Variants in ST18 observed in about 807,000 individuals in gnomAD.
The protein encoded by ST18 is suppression of tumorigenicity 18 protein.
ST18 carries 50 observed loss-of-function variants against 110.0 expected under a neutral mutation model. The ratio of observed to expected loss-of-function variants is 0.45; its 90% confidence interval spans 0.36 to 0.58. ST18 has a LOEUF of 0.58. Among genes scored for constraint, ST18 ranks in the 20% least tolerant of loss-of-function variants. The probability of loss-of-function intolerance (pLI) is 0.00; values close to 1 mark genes in which losing one functional copy is unlikely to be tolerated. For missense variants in ST18, 1,306 were observed against 1,280.1 expected (o/e 1.02, Z -0.31); for synonymous variants, 461 against 452.4 (o/e 1.02, Z -0.24).
rs1489320217 is a variant in ST18, at chr8:52,326,947, TG to T, written c.-465+82380del. ...CCAGGCCAACTCCAAGCAGTGTTTCTGGGGAGCCAGAGAGGCAGTGTTCAAG... is the reference window on the plus strand; with the variant it reads ...CCAGGCCAACTCCAAGCAGTGTTTCTGGGAGCCAGAGAGGCAGTGTTCAAG... On this transcript the variant is annotated intron_variant, in intron 2 of 25. Transcript: ENST00000689386. Among the ~76,000 whole-genome samples the T allele has an allele frequency of 3.3e-5, 5 of 152,276 alleles. No homozygotes were observed. In the East Asian group the frequency reaches 9.7e-4, roughly 30 times the overall value.
intron 25 of ST18, among the ~76,000 whole-genome samples, chr8:52,116,012 T>C (rs2042407510): frequency 6.6e-6 from 1 of 152,122 alleles, no homozygotes; most frequent in Non-Finnish European, 1.5e-5. Flanking sequence ...CACATGACAT[T>C]GTGAACCGAG....
intron 2 of ST18, chr8:52,296,502 C>T (rs1011444213): frequency 6.6e-6 from 1 of 152,208 alleles, no homozygotes; most frequent in African/African-American, 2.4e-5. Flanking sequence ...CAGTGAACGT[C>T]GAGCATGCAC....
chr8:52,339,587 G>T (rs139085373), intron 2 of ST18, among the ~76,000 whole-genome samples: 3 of 152,320 alleles, frequency 2.0e-5, no homozygotes, highest in East Asian at 1.9e-4. Flanking sequence ...TTGCCTGATG[G>T]CTTCTGCCCT....
At chr8:52,184,275 T>A (rs1370218060) in intron 8 of ST18, among the ~76,000 whole-genome samples, 1 of 152,226 alleles carries the variant, frequency 6.6e-6, no homozygotes, top group Non-Finnish European at 1.5e-5. Context: ...CCTGCATTTA[T>A]TGTTCTATTC....
At chr8:52,347,562 T>C (rs1818335249) in intron 2 of ST18, among the ~76,000 whole-genome samples, 1 of 152,144 alleles carries the variant, frequency 6.6e-6, no homozygotes, top group Non-Finnish European at 1.5e-5. Context: ...ATAAAGGTGA[T>C]TTTTCCTCAT....
intron 9 of ST18, among the ~76,000 whole-genome samples, chr8:52,179,873 A>G (rs954033915): frequency 2.6e-5 from 4 of 152,190 alleles, no homozygotes; most frequent in Admixed American, 2.6e-4. Context: ...GGCATAGTTC[A>G]ATCGTCTGCT....
rs182747234 is a variant in ST18, at chr8:52,254,941, T to G, written c.-464-24864A>C. Among the ~76,000 whole-genome samples, 406 of 152,200 alleles carry G rather than the reference T, an allele frequency of 2.7e-3. 3 individuals carry two copies. The highest frequency in any genetic ancestry group is 2.3e-3 in the Non-Finnish European group (156 of 68,024). The stretch of plus-strand genomic sequence containing the variant: ...GCTTGCTTCACAGAAGCTCACGAAT[T>G]AGACAGGCACAGATACTGAAAAGAA... On this transcript the variant is annotated intron_variant, in intron 2 of 25. Transcript: ENST00000689386.
chr8:52,231,363 CT>C (rs1182587974), intron 2 of ST18, among the ~76,000 whole-genome samples: 2 of 152,176 alleles, frequency 1.3e-5, no homozygotes, highest in African/African-American at 2.4e-5. Flanking sequence ...TTCCACTTTC[CT>C]AGCTTCCAGA....
chr8:52,235,919 G>T (rs908607300), intron 2 of ST18, among the ~76,000 whole-genome samples: 1 of 152,114 alleles, frequency 6.6e-6, no homozygotes, highest in Non-Finnish European at 1.5e-5. Flanking sequence ...TATTAAAAAT[G>T]TCAAAAGAAA....
At chr8:52,389,926 CCAACAA>C (rs377203606) in intron 2 of ST18, among the ~76,000 whole-genome samples, 44 of 151,946 alleles carry the variant, frequency 2.9e-4, no homozygotes, top group South Asian at 2.1e-4. Context: ...TATATTTACT[CCAACAA>C]CAACAACAAC....
At chr8:52,270,745 T>A (rs1207082468) in intron 2 of ST18, among the ~76,000 whole-genome samples, 1 of 152,120 alleles carries the variant, frequency 6.6e-6, no homozygotes, top group Non-Finnish European at 1.5e-5. Context: ...TAAGGGATGA[T>A]AACTGAAGGG....
chr8:52,283,614 C>A (rs540286839), intron 2 of ST18, among the ~76,000 whole-genome samples: 1 of 152,148 alleles, frequency 6.6e-6, no homozygotes, highest in Admixed American at 6.5e-5. Flanking sequence ...TGCTGAGAGG[C>A]CAAGTAGAGG....
At chr8:52,214,122 C>T in intron 7 of ST18, 81 bp downstream of exon 7, 1 of 1,421,194 alleles carries the variant, frequency 7.0e-7, no homozygotes, top group South Asian at 1.2e-5. Flanking sequence ...ATTCTGACTG[C>T]ACACGAGGGA....
chr8:52,122,741 C>T (rs2130938982), intron 23 of ST18, among the ~76,000 whole-genome samples: 1 of 152,210 alleles, frequency 6.6e-6, no homozygotes, highest in East Asian at 1.9e-4. Context: ...CCCTTCTCGG[C>T]CTCCCAAAGT....
intron 14 of ST18, among the ~76,000 whole-genome samples, chr8:52,159,991 C>A (rs1407277083): frequency 6.6e-6 from 1 of 151,852 alleles, no homozygotes; most frequent in African/African-American, 2.4e-5. Flanking sequence ...ATATTTGATT[C>A]TTTTCATAAA....
chr8:52,408,001 TTTA>T (rs1845115255), intron 2 of ST18: 1 of 152,228 alleles, frequency 6.6e-6, no homozygotes, highest in African/African-American at 2.4e-5. Flanking sequence ...TTTGGAATTT[TTTA>T]TTTTTACTTT....
intron 2 of ST18, among the ~76,000 whole-genome samples, chr8:52,269,813 C>A (rs930107034): frequency 6.6e-6 from 1 of 152,216 alleles, no homozygotes; most frequent in African/African-American, 2.4e-5. Flanking sequence ...GCCCAGTTTA[C>A]TAGGCTGTAT....
chr8:52,266,667 G>A (rs2094882062), intron 2 of ST18, among the ~76,000 whole-genome samples: 1 of 151,418 alleles, frequency 6.6e-6, no homozygotes, highest in Non-Finnish European at 1.5e-5. Flanking sequence ...TCAGCCTCCA[G>A]AGTAACTGGG....
chr8:52,360,074 C>G (rs1317902639), intron 2 of ST18, among the ~76,000 whole-genome samples: 1 of 151,902 alleles, frequency 6.6e-6, no homozygotes, highest in East Asian at 1.9e-4. Flanking sequence ...TAAATATTAT[C>G]AAGTTCAGTT....
Sources: gnomAD v4.1 joint callset for allele counts (sites outside exome capture counted in the v4.1 genomes callset) on GRCh38, gnomAD v4.1.1 for gene constraint, MANE v1.5 for transcripts, NCBI Gene and HGNC (gene_info 2026-07-23, HGNC 2026-07-21) for gene names.